Variants in AFTPH observed in about 807,000 individuals in gnomAD.
AFTPH encodes the protein aftiphilin protein.
Under a neutral mutation model 72.5 loss-of-function variants are expected in AFTPH, and 7 were observed. That is an observed-to-expected ratio of 0.10 (90% CI 0.05 to 0.18). The LOEUF is 0.18. AFTPH is among the 10% of genes least tolerant of loss of function. The probability of loss-of-function intolerance (pLI) is 1.00; values close to 1 mark genes in which losing one functional copy is unlikely to be tolerated. For synonymous variants in AFTPH, 337 were observed against 370.1 expected (o/e 0.91, Z 1.03); for missense variants, 979 against 1,060.5 (o/e 0.92, Z 1.07).
chr2:64,592,728 A>G (rs533893254), exon 9 of AFTPH: 1 of 152,744 alleles, frequency 6.5e-6, no homozygotes, highest in South Asian at 2.1e-4. Flanking sequence ...AATGTCTTAC[A>G]ATGGAATTTA....
intron 1 of AFTPH, among the ~76,000 whole-genome samples, chr2:64,545,602 A>G (rs1670545744): frequency 7.2e-6 from 1 of 138,608 alleles, no homozygotes; most frequent in Non-Finnish European, 1.5e-5. Context: ...AAAAAAAAAA[A>G]AAAAAAAAAA....
At chr2:64,569,069 T>A (rs186702663) in intron 3 of AFTPH, 23 bp from the exon 4 acceptor site, 3 of 1,613,808 alleles carry the variant, frequency 1.9e-6, no homozygotes, top group Non-Finnish European at 2.5e-6. Context: ...CTGTTGTTGA[T>A]GGCTTCATCA....
At chr2:64,570,394 C>T (rs1345303057) in intron 5 of AFTPH, among the ~76,000 whole-genome samples, 1 of 152,134 alleles carries the variant, frequency 6.6e-6, no homozygotes, top group African/African-American at 2.4e-5. Flanking sequence ...TTTATACAAT[C>T]CATTATGTGC....
At chr2:64,585,746 G>A (rs911557397) in intron 8 of AFTPH, among the ~76,000 whole-genome samples, 1 of 152,130 alleles carries the variant, frequency 6.6e-6, no homozygotes, top group African/African-American at 2.4e-5. Context: ...TTTCATAAGA[G>A]ATTGGCCAAG....
At chr2:64,570,637 T>G (rs1374971315) in intron 5 of AFTPH, among the ~76,000 whole-genome samples, 6 of 152,204 alleles carry the variant, frequency 3.9e-5, no homozygotes, top group Non-Finnish European at 2.9e-5. Context: ...GCTGGACATT[T>G]CTTTAACTTT....
chr2:64,582,328 C>T (rs1005693176), intron 7 of AFTPH, among the ~76,000 whole-genome samples: 4 of 152,194 alleles, frequency 2.6e-5, no homozygotes, highest in Non-Finnish European at 5.9e-5. Flanking sequence ...GACTAACAGT[C>T]AGCTCAGAGT....
intron 6 of AFTPH, 75 bp downstream of exon 6, chr2:64,573,143 C>T: frequency 8.8e-7 from 1 of 1,130,926 alleles, no homozygotes; most frequent in Non-Finnish European, 1.3e-6. Flanking sequence ...TGCCTTTTTC[C>T]TTCATTTATG....
chr2:64,556,859 C>T (rs193255337), intron 2 of AFTPH, among the ~76,000 whole-genome samples: 3 of 152,260 alleles, frequency 2.0e-5, no homozygotes, highest in Non-Finnish European at 4.4e-5. Flanking sequence ...CTTGTCCCTT[C>T]GGTGAATAAT....
At chr2:64,552,404 C>G in exon 2 of AFTPH, 1 of 1,614,042 alleles carries the variant, frequency 6.2e-7, no homozygotes, top group Non-Finnish European at 8.5e-7. Flanking sequence ...ACAGAGGTTT[C>G]AGTGTTGAAA....
chr2:64,536,659 AAG>A (rs764989604), intron 1 of AFTPH, among the ~76,000 whole-genome samples: 1 of 151,808 alleles, frequency 6.6e-6, no homozygotes, highest in Non-Finnish European at 1.5e-5. Context: ...GGAGAATCAA[AAG>A]AGAATTGCCA....
At chr2:64,578,693 G>A (rs1281298491) in intron 6 of AFTPH, among the ~76,000 whole-genome samples, 1 of 151,314 alleles carries the variant, frequency 6.6e-6, no homozygotes, top group East Asian at 1.9e-4. Flanking sequence ...AAGTAGCTGG[G>A]ATTACAGGCG....
intron 8 of AFTPH, among the ~76,000 whole-genome samples, chr2:64,591,545 A>G (rs1673825237): frequency 6.6e-6 from 1 of 152,178 alleles, no homozygotes; most frequent in Admixed American, 6.5e-5. Context: ...TCAGATTTAT[A>G]TTTCTGTTTA....
intron 2 of AFTPH, among the ~76,000 whole-genome samples, chr2:64,563,881 C>G (rs1371026966): frequency 6.6e-6 from 1 of 152,218 alleles, no homozygotes; most frequent in African/African-American, 2.4e-5. Flanking sequence ...GCTGGAATTA[C>G]AGGCATGAGC....
intron 3 of AFTPH, among the ~76,000 whole-genome samples, chr2:64,568,113 A>G (rs1324650806): frequency 6.6e-6 from 1 of 151,874 alleles, no homozygotes; most frequent in Non-Finnish European, 1.5e-5. Context: ...CTTTTGAGCT[A>G]TTTCTTTTTA....
intron 1 of AFTPH, among the ~76,000 whole-genome samples, chr2:64,541,343 T>C (rs1368989961): frequency 6.6e-6 from 1 of 152,138 alleles, no homozygotes; most frequent in Non-Finnish European, 1.5e-5. Context: ...GTGTCTGATA[T>C]CTTGGGTTTT....
chr2:64,537,411 C>G (rs1450078123), intron 1 of AFTPH, among the ~76,000 whole-genome samples: 1 of 151,752 alleles, frequency 6.6e-6, no homozygotes, highest in Non-Finnish European at 1.5e-5. Context: ...GCACATGTAC[C>G]CCTGAACCTA....
At chr2:64,590,788 A>G (rs900015116) in intron 8 of AFTPH, among the ~76,000 whole-genome samples, 1 of 152,186 alleles carries the variant, frequency 6.6e-6, no homozygotes, top group Non-Finnish European at 1.5e-5. Flanking sequence ...TTTTTATTTC[A>G]GTCTGGATTC....
chr2:64,585,596 G>T, intron 8 of AFTPH, 51 bp downstream of exon 9: 1 of 1,549,766 alleles, frequency 6.5e-7, no homozygotes, highest in South Asian at 1.2e-5. Flanking sequence ...GAGATAAAAC[G>T]ACCCAAAGGA....
intron 1 of AFTPH, among the ~76,000 whole-genome samples, chr2:64,537,884 T>C (rs1669978970): frequency 6.6e-6 from 1 of 152,212 alleles, no homozygotes; most frequent in African/African-American, 2.4e-5. Context: ...GGAGGAAGTC[T>C]TTGTTTTAAA....
Sources: allele counts gnomAD v4.1 joint callset (sites outside exome capture counted in the v4.1 genomes callset), GRCh38; gene constraint gnomAD v4.1.1; transcripts MANE v1.5; gene names NCBI Gene and HGNC (gene_info 2026-07-23, HGNC 2026-07-21).